GALNTL6: variants seen among roughly 807,000 people sequenced by gnomAD.
GALNTL6 encodes the protein polypeptide N-acetylgalactosaminyltransferase-like 6.
Under a neutral mutation model 73.7 loss-of-function variants are expected in GALNTL6, and 46 were observed. That is an observed-to-expected ratio of 0.62 (90% confidence interval 0.49 to 0.80). The LOEUF (loss-of-function observed/expected upper bound fraction) is 0.80. GALNTL6 is among the 30% of genes least tolerant of loss of function. The probability of loss-of-function intolerance (pLI) is 0.00; values close to 1 mark genes in which losing one functional copy is unlikely to be tolerated. For synonymous variants in GALNTL6, 259 were observed against 263.7 expected, an observed-to-expected ratio of 0.98 and a Z score of 0.17; for missense variants, 604 against 755.0, an observed-to-expected ratio of 0.80 and a Z score of 2.34.
intron 2 of GALNTL6, among the ~76,000 whole-genome samples, chr4:172,013,617 C>T (rs1741091089): frequency 6.6e-6 from 1 of 151,942 alleles, no homozygotes; most frequent in African/African-American, 2.4e-5. Flanking sequence ...GCACATGAAA[C>T]ATTTTGACAC....
chr4:172,764,704 A>C (rs1425274340), intron 5 of GALNTL6, among the ~76,000 whole-genome samples: 1 of 152,158 alleles, frequency 6.6e-6, no homozygotes, highest in Non-Finnish European at 1.5e-5. Flanking sequence ...CAAAAGGTGA[A>C]CATTGATTCT....
chr4:172,835,442 G>A (rs1250469289), intron 7 of GALNTL6, among the ~76,000 whole-genome samples: 1 of 152,206 alleles, frequency 6.6e-6, no homozygotes, highest in Non-Finnish European at 1.5e-5. Flanking sequence ...GAATGATCTA[G>A]TTTTAACAGT....
chr4:172,412,971 G>C (rs891039799), intron 5 of GALNTL6, among the ~76,000 whole-genome samples: 1 of 152,188 alleles, frequency 6.6e-6, no homozygotes, highest in African/African-American at 2.4e-5. Flanking sequence ...TCAGCAGGAA[G>C]ACAGAGAAGG....
chr4:171,833,808 G>A (rs949339119), intron 2 of GALNTL6, among the ~76,000 whole-genome samples: 11 of 151,680 alleles, frequency 7.3e-5, no homozygotes, highest in African/African-American at 2.2e-4. Context: ...ATTTTAGAAC[G>A]TGCTTATATA....
At chr4:172,000,201 A>G (rs1005477402) in intron 2 of GALNTL6, among the ~76,000 whole-genome samples, 2 of 152,214 alleles carry the variant, frequency 1.3e-5, no homozygotes, top group African/African-American at 4.8e-5. Flanking sequence ...ATGCTCAATG[A>G]TTATATAAAT....
rs1231126844 is a variant in GALNTL6 at position 172,466,813 on chromosome 4, T to C, written c.553+118124T>C. Reference sequence around the variant, plus strand: ...TGTGAGACTTTAGATAACTAGTGTCTTATACTGCAAATTTATTATCTTGTT... The same window carrying C: ...TGTGAGACTTTAGATAACTAGTGTCCTATACTGCAAATTTATTATCTTGTT... On this transcript the variant is annotated intron_variant, in intron 5 of 12. Coordinates refer to ENST00000506823, the MANE Select transcript of GALNTL6 (RefSeq NM_001034845.3). 3.9e-5 allele frequency among the ~76,000 whole-genome samples: 6 copies of C among 152,252 alleles called. No homozygotes were observed. In the East Asian group the frequency reaches 9.6e-4, roughly 24 times the overall value.
intron 3 of GALNTL6, among the ~76,000 whole-genome samples, chr4:172,279,258 C>T (rs1738944542): frequency 2.0e-5 from 3 of 151,998 alleles, no homozygotes; most frequent in Non-Finnish European, 2.9e-5. Flanking sequence ...GATCAAAGGA[C>T]ACCATCAAAG....
intron 5 of GALNTL6, among the ~76,000 whole-genome samples, chr4:172,421,668 T>G (rs915814989): frequency 6.6e-6 from 1 of 152,016 alleles, no homozygotes; most frequent in Non-Finnish European, 1.5e-5. Context: ...ACATAAGAAA[T>G]GTTCTTTCAA....
rs1439857011 is a variant in GALNTL6 at position 172,027,952 on chromosome 4, C to T, written c.139-201704C>T. ...GGTTCATTAAATTTAAGGAATAAGC[C>T]ATCTCCCTAACAGAAAAGTGCAAAG... is the stretch of plus-strand genomic sequence containing the variant. On this transcript the variant is annotated intron_variant, in intron 2 of 12. Transcript: ENST00000506823. Among the ~76,000 whole-genome samples the T allele has an allele frequency of 4.6e-5, 7 of 152,016 alleles. 1 individual carries two copies. The highest frequency in any genetic ancestry group is 4.6e-4 in the Admixed American group (7 of 15,234).
At chr4:172,144,553 G>T (rs1733879507) in intron 2 of GALNTL6, among the ~76,000 whole-genome samples, 2 of 152,312 alleles carry the variant, frequency 1.3e-5, no homozygotes, top group South Asian at 4.1e-4. Flanking sequence ...GAGGGAGCTA[G>T]AAGTCATCTT....
At chr4:172,792,353 A>T (rs201500864) in intron 5 of GALNTL6, among the ~76,000 whole-genome samples, 2 of 150,488 alleles carry the variant, frequency 1.3e-5, no homozygotes, top group Admixed American at 6.7e-5. Context: ...ACACGTGTGT[A>T]CTACATATGT....
At chr4:172,253,663 T>A (rs1737957779) in intron 3 of GALNTL6, among the ~76,000 whole-genome samples, 1 of 152,048 alleles carries the variant, frequency 6.6e-6, no homozygotes, top group South Asian at 2.1e-4. Context: ...GACCAGAAGG[T>A]CACATTGTGA....
intron 2 of GALNTL6, among the ~76,000 whole-genome samples, chr4:172,101,900 A>C (rs1287980728): frequency 6.6e-6 from 1 of 152,114 alleles, no homozygotes; most frequent in Non-Finnish European, 1.5e-5. Flanking sequence ...AATCAAAACC[A>C]GGTTTAAAAT....
At chr4:172,743,214 G>A (rs1037256919) in intron 5 of GALNTL6, among the ~76,000 whole-genome samples, 1 of 152,010 alleles carries the variant, frequency 6.6e-6, no homozygotes, top group Non-Finnish European at 1.5e-5. Flanking sequence ...AATATCATGA[G>A]ATCTACTTGA....
chr4:172,111,192 C>G (rs182657912), intron 2 of GALNTL6, among the ~76,000 whole-genome samples: 120 of 152,066 alleles, frequency 7.9e-4, no homozygotes, highest in African/African-American at 2.7e-3. Flanking sequence ...GAGGTTTTCT[C>G]ATATTTTAAT....
intron 5 of GALNTL6, among the ~76,000 whole-genome samples, chr4:172,352,357 C>T (rs1289587487): frequency 6.6e-6 from 1 of 152,102 alleles, no homozygotes; most frequent in Admixed American, 6.6e-5. Context: ...AAGGTAAAGG[C>T]CTGCAGGTAA....
intron 11 of GALNTL6, among the ~76,000 whole-genome samples, chr4:173,010,681 G>A (rs888910586): frequency 6.6e-6 from 1 of 151,644 alleles, no homozygotes; most frequent in Admixed American, 6.6e-5. Context: ...TACAACCTCC[G>A]ACTCCCTGGT....
intron 3 of GALNTL6, among the ~76,000 whole-genome samples, chr4:172,308,999 GTT>G (rs779305131): frequency 2.5e-4 from 38 of 152,172 alleles, no homozygotes; most frequent in Non-Finnish European, 4.1e-4. Context: ...TCACTGATTT[GTT>G]TTCCATTTAC....
intron 5 of GALNTL6, among the ~76,000 whole-genome samples, chr4:172,560,237 G>A (rs939230144): frequency 5.3e-5 from 8 of 152,112 alleles, no homozygotes; most frequent in Admixed American, 3.9e-4. Flanking sequence ...CAGCACTTTA[G>A]GAGGTTTAGG....
Sources: gnomAD v4.1 joint callset for allele counts (sites outside exome capture counted in the v4.1 genomes callset) on GRCh38, gnomAD v4.1.1 for gene constraint, MANE v1.5 for transcripts, NCBI Gene and HGNC (gene_info 2026-07-23, HGNC 2026-07-21) for gene names.